Variants in GSE1 observed in about 807,000 individuals in gnomAD.
The protein encoded by GSE1 is genetic suppressor element 1.
A neutral mutation model predicts 112.6 loss-of-function variants in GSE1; 32 were observed. The ratio of observed to expected loss-of-function variants is 0.28; its 90% CI spans 0.21 to 0.38. The LOEUF (loss-of-function observed/expected upper bound fraction) is 0.38, where lower values mean the gene tolerates loss of function less well. Ranked by LOEUF, GSE1 falls within the 10% of genes least tolerant of loss-of-function variation. The pLI, the probability that GSE1 is intolerant of heterozygous loss-of-function variation, is 1.00. For synonymous variants in GSE1, 1,115 were observed against 735.6 expected (o/e 1.52, Z -8.35); for missense variants, 2,348 against 1,699.2 (o/e 1.38, Z -6.71).
chr16:85,388,260 ATGGCTGGATG>A (rs2047738754), intron 2 of GSE1, among the ~76,000 whole-genome samples: 2 of 130,976 alleles, frequency 1.5e-5, no homozygotes, highest in African/African-American at 6.0e-5. Flanking sequence ...GAATGGATGT[ATGGCTGGATG>A]GATGGGTGAG....
chr16:85,492,815 G>A (rs1412297078), intron 2 of GSE1, among the ~76,000 whole-genome samples: 2 of 152,128 alleles, frequency 1.3e-5, no homozygotes, highest in African/African-American at 4.8e-5. Context: ...GTGGTGCTGG[G>A]CTCAGATCAC....
chr16:85,440,144 CGA>C (rs2049342486), intron 2 of GSE1, among the ~76,000 whole-genome samples: 3 of 152,178 alleles, frequency 2.0e-5, no homozygotes, highest in Non-Finnish European at 1.5e-5. Context: ...AAATGTTTGT[CGA>C]GTCAGTGAAT....
chr16:85,263,141 A>G (rs1169283506), intron 1 of GSE1, among the ~76,000 whole-genome samples: 1 of 152,190 alleles, frequency 6.6e-6, no homozygotes, highest in Non-Finnish European at 1.5e-5. Flanking sequence ...TCACGCTTGG[A>G]GAGTGCGGGA....
intron 2 of GSE1, among the ~76,000 whole-genome samples, chr16:85,439,688 A>G (rs1174437049): frequency 6.6e-6 from 1 of 152,176 alleles, no homozygotes; most frequent in Non-Finnish European, 1.5e-5. Context: ...ATGCATGTGC[A>G]CACACATACA....
chr16:85,603,251 C>T (rs114786770), intron 1 of GSE1, among the ~76,000 whole-genome samples: 1,738 of 152,302 alleles, frequency 0.011, 30 homozygotes, highest in African/African-American at 0.04. Context: ...AGCTTGGGTC[C>T]ACAGAGAGGG....
intron 2 of GSE1, among the ~76,000 whole-genome samples, chr16:85,499,147 C>G (rs59722847): frequency 6.6e-6 from 1 of 152,142 alleles, no homozygotes; most frequent in East Asian, 1.9e-4. Flanking sequence ...GAGTAGGACT[C>G]TAGGACTTGG....
intron 2 of GSE1, among the ~76,000 whole-genome samples, chr16:85,520,258 G>A (rs922489681): frequency 1.3e-4 from 19 of 151,994 alleles, no homozygotes; most frequent in Non-Finnish European, 2.1e-4. Context: ...CGTGAGGGCC[G>A]CGCTCTCATG....
intron 1 of GSE1, among the ~76,000 whole-genome samples, chr16:85,267,456 G>A (rs373043251): frequency 3.7e-4 from 57 of 152,236 alleles, no homozygotes; most frequent in African/African-American, 1.3e-3. Context: ...GGAGGGCAGT[G>A]ACCGTGGGGG....
chr16:85,660,694 G>A (rs1410757853), intron 8 of GSE1, among the ~76,000 whole-genome samples: 4 of 151,794 alleles, frequency 2.6e-5, no homozygotes, highest in African/African-American at 4.8e-5. Context: ...GCAATGGCAC[G>A]GTCTCAGCTC....
At position 85,373,632 on chromosome 16, in the gene GSE1, G is replaced by T. The variant is rs1463653787; in HGVS notation, c.2464+15989G>T. 6.6e-6 allele frequency among the ~76,000 whole-genome samples: 1 copy of T among 152,170 alleles called. No individual in the cohort carries two copies. The highest frequency in any genetic ancestry group is 1.5e-5 in the Non-Finnish European group (1 of 68,020). On this transcript the variant is annotated intron_variant, in intron 2 of 2. Transcript: ENST00000637419. This position sits in a 1 kb window ranked among gnomAD's most constrained non-coding sequence, Gnocchi z 5.1. ...GGAGTGAGTGTCTGGGAGGGCCACA[G>T]GTATGCTGGCCACGGCCTGGAAGAG...
chr16:85,600,866 G>C (rs545325365), intron 1 of GSE1, among the ~76,000 whole-genome samples: 5 of 152,204 alleles, frequency 3.3e-5, no homozygotes, highest in Non-Finnish European at 7.4e-5. Context: ...GCTGATGAGG[G>C]TTTGTGTCCT....
In GSE1 at chr16:85,654,759, C is replaced by T. The variant is rs769361515; in HGVS notation, c.600-35C>T. The T allele has an allele frequency of 8.6e-6, 12 of 1,400,994 alleles. No homozygotes were observed. In the African/African-American group the frequency reaches 1.1e-4, roughly 13 times the overall value. The allele number at this position is 1,400,994 out of a possible 1,614,324, so 86.8% of individuals were successfully genotyped here. A position where few individuals can be genotyped will look rare whatever the true frequency, so the allele number is the denominator to read the frequency against. On this transcript the variant is annotated intron_variant, in intron 4 of 15. Coordinates refer to ENST00000253458, the MANE Select transcript of GSE1 (RefSeq NM_014615.5). ...CCATGCAGGAGCAGGTGTGCACTCACCTGTCCCCACCTTGCCCACTATCCC... is the reference window on the plus strand; with the variant it reads ...CCATGCAGGAGCAGGTGTGCACTCATCTGTCCCCACCTTGCCCACTATCCC...
chr16:85,275,654 C>A (rs9940658), intron 1 of GSE1, among the ~76,000 whole-genome samples: 1 of 152,140 alleles, frequency 6.6e-6, no homozygotes, highest in Non-Finnish European at 1.5e-5. Flanking sequence ...CGGTCCTAGA[C>A]GTGGGGAGGC....
At chr16:85,296,542 G>C (rs2045372242) in intron 1 of GSE1, among the ~76,000 whole-genome samples, 1 of 152,218 alleles carries the variant, frequency 6.6e-6, no homozygotes, top group African/African-American at 2.4e-5. Flanking sequence ...AGGAGGTGGA[G>C]GTTGCAGTGA....
At chr16:85,169,951 G>C (rs962985133) in exon 1 of GSE1, 1 of 984,470 alleles carries the variant, frequency 1.0e-6, no homozygotes. Flanking sequence ...CGTCGCCTAC[G>C]CGCTGGGCAG....
intron 2 of GSE1, among the ~76,000 whole-genome samples, chr16:85,376,663 A>G (rs2047427782): frequency 6.6e-6 from 1 of 152,264 alleles, no homozygotes; most frequent in Middle Eastern, 3.4e-3. Flanking sequence ...GCCAGCCCAG[A>G]GGGAGAGAGG....
At chr16:85,386,543 C>T (rs780983664) in intron 2 of GSE1, among the ~76,000 whole-genome samples, 1 of 152,252 alleles carries the variant, frequency 6.6e-6, no homozygotes, top group Non-Finnish European at 1.5e-5. Flanking sequence ...TCATCCTTCT[C>T]ATCATCACTG....
At position 85,289,134 on chromosome 16, in the gene GSE1, C is replaced by T. The variant is rs145781307; in HGVS notation, c.2284-68329C>T. ...AATCTTTGGCACAGCCCTGAGTTTCCGGCAGGGTGTCACCTTGACCCCTTC... is the reference window on the plus strand; with the variant it reads ...AATCTTTGGCACAGCCCTGAGTTTCTGGCAGGGTGTCACCTTGACCCCTTC... On this transcript the variant is annotated intron_variant, in intron 1 of 2. Transcript: ENST00000637419. Among the ~76,000 whole-genome samples the T allele has an allele frequency of 1.7e-3, 258 of 152,290 alleles. 3 individuals carry two copies. The highest frequency in any genetic ancestry group is 5.2e-3 in the Admixed American group (79 of 15,306).
At chr16:85,646,132 T>C (rs922990672) in intron 2 of GSE1, among the ~76,000 whole-genome samples, 2 of 114,198 alleles carry the variant, frequency 1.8e-5, no homozygotes, top group Admixed American at 8.4e-5. Context: ...CCACGCTTCC[T>C]ATGCATGCAT....
Sources: gnomAD v4.1 joint callset for allele counts (sites outside exome capture counted in the v4.1 genomes callset) on GRCh38, gnomAD v4.1.1 for gene constraint, Gnocchi (gnomAD v3.1) non-coding constraint, MANE v1.5 for transcripts, NCBI Gene and HGNC (gene_info 2026-07-23, HGNC 2026-07-21) for gene names.